The following TMEM235 variants were observed in gnomAD, a reference collection of about 807,000 sequenced individuals.
The protein encoded by TMEM235 is transmembrane protein 235, also known as claudin-27.
In TMEM235, 23 loss-of-function variants were observed where a neutral mutation model predicts 22.9. The ratio of observed to expected loss-of-function variants is 1.00; its 90% CI spans 0.72 to 1.42. The LOEUF is 1.42. TMEM235 is among the 40% of genes most tolerant of loss of function. The pLI is 0.00. For missense variants in TMEM235, 308 were observed against 299.5 expected (o/e 1.03, Z -0.21); for synonymous variants, 137 against 140.5 (o/e 0.98, Z 0.17).
chr17:78,238,939 T>G lies in TMEM235; in HGVS notation c.410-85T>G. On this transcript the variant is annotated intron_variant, in intron 4 of 5. Transcript: ENST00000421688. The surrounding 1 kb of genome is among the most constrained non-coding windows in gnomAD (Gnocchi z 4.3). The stretch of plus-strand genomic sequence containing the variant: ...GCCTGAATGCTAGCGGGGCCGGGGA[T>G]GCTGAGGCCATGTCTGCAGGACCAC... The G allele has an allele frequency of 6.8e-6, 10 of 1,470,422 alleles. No individual in the cohort carries two copies. Among genetic ancestry groups the G allele is most frequent in the African/African-American group, 1.4e-5 (1 of 71,982 alleles). 91.1% of individuals were successfully genotyped at this position (1,470,422 alleles called of 1,614,324 possible).
chr17:78,238,976 C>T lies in TMEM235; in HGVS notation c.410-48C>T. Reference sequence around the variant, plus strand: ...GTCTGCAGGACCACCTGGGCCTGGGCCCGCTAGAGCAGACACCGAGCAGCT... The same window carrying T: ...GTCTGCAGGACCACCTGGGCCTGGGTCCGCTAGAGCAGACACCGAGCAGCT... On this transcript the variant is annotated intron_variant, in intron 4 of 5. Coordinates refer to ENST00000421688, the Ensembl canonical transcript of TMEM235. The surrounding 1 kb of genome is among the most constrained non-coding windows in gnomAD (Gnocchi z 4.3). 1.3e-6 allele frequency: 2 copies of T among 1,506,752 alleles called. No homozygotes were observed. Among genetic ancestry groups the T allele is most frequent in the Non-Finnish European group, 1.8e-6 (2 of 1,126,052 alleles). 93.3% of individuals were successfully genotyped at this position (1,506,752 alleles called of 1,614,324 possible).
chr17:78,231,649 C>G (rs1028983042), exon 2 of TMEM235: 7 of 1,299,678 alleles, frequency 5.4e-6, no homozygotes, highest in Non-Finnish European at 7.1e-6. Flanking sequence ...CACAGCCCGG[C>G]CAGGCAGGTG....
chr17:78,235,189 G>A (rs2076629032), intron 4 of TMEM235, among the ~76,000 whole-genome samples: 1 of 152,254 alleles, frequency 6.6e-6, no homozygotes, highest in Non-Finnish European at 1.5e-5. Context: ...GGCTTCTGGG[G>A]AGGCCTCAGG....
Position 78,238,071 on chromosome 17 carries a change from C to T in TMEM235, c.410-953C>T, listed in dbSNP as rs1360904280. Among the ~76,000 whole-genome samples, 1 of 151,532 alleles carries T rather than the reference C, an allele frequency of 6.6e-6. No individual in the cohort carries two copies. The highest frequency in any genetic ancestry group is 1.5e-5 in the Non-Finnish European group (1 of 67,874). On this transcript the variant is annotated intron_variant, in intron 4 of 5. Transcript: ENST00000421688. This position sits in a 1 kb window ranked among gnomAD's most constrained non-coding sequence, Gnocchi z 4.3. ...TGGGGAAATCAGGGCCACCTGCCCC[C>T]CTGGCTAACATTCCCTACAGTCGGC...
intron 2 of TMEM235, among the ~76,000 whole-genome samples, chr17:78,233,072 TAGG>T (rs1032687923): frequency 1.3e-5 from 2 of 152,108 alleles, no homozygotes; most frequent in African/African-American, 4.8e-5. Flanking sequence ...GGGGAGGAGT[TAGG>T]AGCCTTGTGT....
At chr17:78,233,641 A>G (rs371715539) in intron 2 of TMEM235, among the ~76,000 whole-genome samples, 4 of 151,356 alleles carry the variant, frequency 2.6e-5, no homozygotes, top group South Asian at 4.2e-4. Context: ...CTTGCAGTGA[A>G]CCGAGATCGC....
chr17:78,231,431 GC>G (rs900975140), exon 2 of TMEM235: 25 of 1,292,718 alleles, frequency 1.9e-5, no homozygotes, highest in South Asian at 2.5e-5. Flanking sequence ...TCCTTCCGCA[GC>G]CCCCCGCCCG....
Position 78,238,629 on chromosome 17 carries a change from T to A in TMEM235, c.410-395T>A, listed in dbSNP as rs1287674905. Among the ~76,000 whole-genome samples, 1 of 148,772 alleles carries A rather than the reference T, an allele frequency of 6.7e-6. No homozygotes were observed. On this transcript the variant is annotated intron_variant, in intron 4 of 5. Coordinates refer to ENST00000421688, the Ensembl canonical transcript of TMEM235. This position sits in a 1 kb window ranked among gnomAD's most constrained non-coding sequence, Gnocchi z 4.3. ...TCGTGTAGGTGTGCATGTGCATGTG[T>A]GTGCTGGGGGCCATGGAGGGTACAG...
Position 78,233,564 on chromosome 17 carries a change from G to A in TMEM235, c.191-331G>A, listed in dbSNP as rs534550575. ...CAAAAAATTAGCCGGGCACGGTGGC[G>A]GGTGCCTGTAGTCCCAGCTACTTGG... On this transcript the variant is annotated intron_variant, in intron 2 of 5. Coordinates refer to ENST00000421688, the Ensembl canonical transcript of TMEM235. 3.3e-5 allele frequency among the ~76,000 whole-genome samples: 5 copies of A among 152,200 alleles called. No individual in the cohort carries two copies. The East Asian group carries it at 5.8e-4, about 18-fold the overall frequency.
In TMEM235 at chr17:78,232,147, G is replaced by A. The variant is rs984319695; in HGVS notation, c.124G>A (p.Gly42Ser). 2.6e-5 allele frequency: 39 copies of A among 1,487,692 alleles called. No homozygotes were observed. In the African/African-American group the frequency reaches 4.2e-4, roughly 16 times the overall value. The allele number at this position is 1,487,692 out of a possible 1,614,324, so 92.2% of individuals were successfully genotyped here. Residue 42 changes from glycine to serine, a missense_variant, in exon 2 of 6, where the codon GGC (glycine) becomes AGC (serine). This residue lies in a region of TMEM235 where 285 missense variants were observed against 256.2 expected (regional missense o/e 1.11). Transcript: ENST00000421688. ...CCTGGAGGTGGCGGACGCCGGCAAT[G>A]GCAGCGCCTGGCCCGGGCGCGCAGA...
chr17:78,234,134 C>T (rs936503459), intron 3 of TMEM235, 159 bp downstream of exon 2: 2 of 738,340 alleles, frequency 2.7e-6, no homozygotes, highest in Admixed American at 2.1e-5. Flanking sequence ...TGCTGCTGTC[C>T]CTAACCACAG....
At chr17:78,234,835 C>G in intron 4 of TMEM235, 105 bp downstream of exon 3, 1 of 1,437,818 alleles carries the variant, frequency 7.0e-7, no homozygotes, top group Non-Finnish European at 9.3e-7. Context: ...CTGCTCCCTT[C>G]TGGGCGGGTG....
intron 4 of TMEM235, among the ~76,000 whole-genome samples, chr17:78,236,239 G>T (rs1049196766): frequency 3.9e-5 from 6 of 152,100 alleles, no homozygotes; most frequent in African/African-American, 9.7e-5. Flanking sequence ...CATGCGGGGG[G>T]GCCTGGGGCC....
At chr17:78,234,118 G>C (rs144427276) in intron 3 of TMEM235, 143 bp downstream of exon 2, 2 of 777,212 alleles carry the variant, frequency 2.6e-6, no homozygotes, top group Non-Finnish European at 4.3e-6. Flanking sequence ...ACCTGTCCCA[G>C]TGCTGTGCTG....
chr17:78,239,320 TCAGGGC>T (rs1389814029), intron 5 of TMEM235, 47 bp downstream of exon 4: 1 of 1,514,058 alleles, frequency 6.6e-7, no homozygotes, highest in Non-Finnish European at 8.8e-7. Context: ...GATTGGGCGG[TCAGGGC>T]CAGGGCCCCT....
exon 2 of TMEM235, chr17:78,231,633 GCC>G (rs1315619021): frequency 1.5e-6 from 2 of 1,301,678 alleles, no homozygotes; most frequent in African/African-American, 3.0e-5. Context: ...CTCCTCTCAA[GCC>G]CTGCACAGCC....
chr17:78,239,294 C>T (rs1313828042), intron 5 of TMEM235, 21 bp downstream of exon 4: 1 of 1,532,790 alleles, frequency 6.5e-7, no homozygotes, highest in East Asian at 2.4e-5. Context: ...GCTGGGTTTC[C>T]CTTTGCACCT....
chr17:78,231,626 C>T lies in TMEM235; in HGVS notation c.-398C>T, dbSNP rs1391268884. 1.1e-5 allele frequency: 14 copies of T among 1,303,614 alleles called. No individual in the cohort carries two copies. The highest frequency in any genetic ancestry group is 2.3e-5 in the Admixed American group (1 of 43,438). The allele number at this position is 1,303,614 out of a possible 1,614,324, so 80.8% of individuals were successfully genotyped here. A position where few individuals can be genotyped will look rare whatever the true frequency, so the allele number is the denominator to read the frequency against. On this transcript the variant is annotated 5_prime_UTR_variant, in exon 2 of 6. Transcript: ENST00000421688. ...GGTCTCTGGCCGATCCTCCCTCCTC[C>T]TCTCAAGCCCTGCACAGCCCGGCCA...
exon 2 of TMEM235, chr17:78,232,103 C>T (rs1488221367): frequency 1.4e-6 from 2 of 1,473,522 alleles, no homozygotes; most frequent in African/African-American, 2.9e-5. Context: ...GCCGCGGTCG[C>T]CAGCGACTAC....
Sources: gnomAD v4.1 joint callset for allele counts (sites outside exome capture counted in the v4.1 genomes callset) on GRCh38, gnomAD v4.1.1 for gene constraint, gnomAD v4.1.1 regional missense constraint, Gnocchi (gnomAD v3.1) non-coding constraint, MANE v1.5 for transcripts, NCBI Gene and HGNC (gene_info 2026-07-23, HGNC 2026-07-21) for gene names.